Variants in CTTNBP2 observed in about 807,000 individuals in gnomAD.
The protein encoded by CTTNBP2 is cortactin binding protein 2.
CTTNBP2 carries 108 observed loss-of-function variants against 156.9 expected under a neutral mutation model. That is an observed-to-expected ratio of 0.69 (90% CI 0.59 to 0.81). CTTNBP2 has a LOEUF of 0.81. Ranked by LOEUF, CTTNBP2 falls within the 30% of genes least tolerant of loss-of-function variation. The pLI, the probability that CTTNBP2 is intolerant of heterozygous loss-of-function variation, is 0.00. For missense variants in CTTNBP2, 1,924 were observed against 2,035.4 expected (o/e 0.95, Z 1.05); for synonymous variants, 767 against 751.8 (o/e 1.02, Z -0.33).
chr7:117,806,738 T>A (rs1450151922), intron 3 of CTTNBP2, among the ~76,000 whole-genome samples: 2 of 136,822 alleles, frequency 1.5e-5, no homozygotes, highest in African/African-American at 5.6e-5. Flanking sequence ...CTTTCTTCTT[T>A]TTCTCATTTT....
At chr7:117,783,193 G>A (rs1798525116) in intron 5 of CTTNBP2, among the ~76,000 whole-genome samples, 1 of 152,024 alleles carries the variant, frequency 6.6e-6, no homozygotes, top group South Asian at 2.1e-4. Flanking sequence ...GTGTGTGTGT[G>A]CATGCGCATG....
rs1297817481 is a variant in CTTNBP2 at position 117,792,670 on chromosome 7, T to G, written c.526A>C (p.Lys176Gln). The G allele has an allele frequency of 6.2e-7, 1 of 1,614,068 alleles. No individual in the cohort carries two copies. ...TTGCCTGAGAGCTGCTTGCACTCTTTGACCAGCATCAGGACCACCTGCTTG... is the reference window on the plus strand; with the variant it reads ...TTGCCTGAGAGCTGCTTGCACTCTTGGACCAGCATCAGGACCACCTGCTTG... ...KNKQVVLMLV[K>Q]ECKQLSGKVI... Residue 176 changes from lysine to glutamine, a missense_variant, in exon 4 of 23, where the codon AAA (lysine) becomes CAA (glutamine). Lys to Gln is a moderately conservative substitution (Grantham distance 53). Transcript: ENST00000160373. This position sits in a 1 kb window ranked among gnomAD's most constrained non-coding sequence, Gnocchi z 4.2.
chr7:117,714,868 G>C (rs1044151831), intron 22 of CTTNBP2, among the ~76,000 whole-genome samples: 3 of 152,184 alleles, frequency 2.0e-5, no homozygotes, highest in South Asian at 4.1e-4. Flanking sequence ...CAAGCCTAGG[G>C]GGCAGCGGAG....
intron 9 of CTTNBP2, among the ~76,000 whole-genome samples, chr7:117,765,848 G>C (rs767843754): frequency 1.1e-4 from 16 of 152,150 alleles, no homozygotes; most frequent in Non-Finnish European, 1.5e-4. Context: ...AATCTCATTG[G>C]CTTATCTTTG....
chr7:117,841,938 C>A (rs1802300483), intron 2 of CTTNBP2, among the ~76,000 whole-genome samples: 1 of 152,092 alleles, frequency 6.6e-6, no homozygotes, highest in Non-Finnish European at 1.5e-5. Context: ...TTACTAGAAA[C>A]ACACTAGAAC....
intron 14 of CTTNBP2, among the ~76,000 whole-genome samples, chr7:117,739,676 C>A (rs1795891842): frequency 6.6e-6 from 1 of 152,194 alleles, no homozygotes; most frequent in Non-Finnish European, 1.5e-5. Context: ...GTGAGTGACT[C>A]CAAGTCTATT....
intron 22 of CTTNBP2, chr7:117,715,757 GATA>G (rs1241354823): frequency 6.6e-6 from 1 of 152,178 alleles, no homozygotes; most frequent in Admixed American, 6.5e-5. Flanking sequence ...TTTTCCAACA[GATA>G]ATGATGGTTG....
At chr7:117,776,840 C>T (rs1204115550) in intron 8 of CTTNBP2, among the ~76,000 whole-genome samples, 1 of 152,182 alleles carries the variant, frequency 6.6e-6, no homozygotes, top group Non-Finnish European at 1.5e-5. Flanking sequence ...TGCTCACTTG[C>T]CATTGAACTA....
In CTTNBP2 at chr7:117,719,535, C is replaced by T; in HGVS notation, c.4613G>A (p.Cys1538Tyr). The T allele has an allele frequency of 6.2e-7, 1 of 1,613,960 alleles. No homozygotes were observed. The highest frequency in any genetic ancestry group is 8.5e-7 in the Non-Finnish European group (1 of 1,179,928). Residue 1538 changes from cysteine (C) to tyrosine (Y), a missense_variant, in exon 21 of 23, where the codon TGC becomes TAC. Transcript: ENST00000160373. ...GATATCAGACTCAGACTTGCTGGAGCACATGCTCTGAAGTTCCTTGACAAG... is the reference window on the plus strand; with the variant it reads ...GATATCAGACTCAGACTTGCTGGAGTACATGCTCTGAAGTTCCTTGACAAG... ...ADLVKELQSM[C>Y]SSKSESDISK...
chr7:117,715,669 C>T (rs1181568091), intron 22 of CTTNBP2: 1 of 152,108 alleles, frequency 6.6e-6, no homozygotes, highest in Non-Finnish European at 1.5e-5. Flanking sequence ...GATTAGTAAA[C>T]CCAATTACTC....
At chr7:117,832,640 A>C (rs962050792) in intron 2 of CTTNBP2, among the ~76,000 whole-genome samples, 8 of 151,002 alleles carry the variant, frequency 5.3e-5, no homozygotes, top group Admixed American at 4.0e-4. Flanking sequence ...ACTATCTGAG[A>C]TATCACTGAC....
In CTTNBP2 at chr7:117,807,510, T is replaced by C. The variant is rs544747189; in HGVS notation, c.414+3255A>G. ...TTCCATTTCTTCGGTTGTCTAGCAC[T>C]GGAAACTCCTTCCTATGTTAGGAGA... On this transcript the variant is annotated intron_variant, in intron 3 of 22. Coordinates refer to ENST00000160373, the MANE Select transcript of CTTNBP2 (RefSeq NM_033427.3). Among the ~76,000 whole-genome samples, 12 of 152,328 alleles carry C rather than the reference T, an allele frequency of 7.9e-5. No homozygotes were observed. The South Asian group carries it at 2.5e-3, about 32-fold the overall frequency.
chr7:117,752,954 T>G lies in CTTNBP2; in HGVS notation c.3348+3601A>C, dbSNP rs183330313. On this transcript the variant is annotated intron_variant, in intron 12 of 22. Coordinates refer to ENST00000160373, the MANE Select transcript of CTTNBP2 (RefSeq NM_033427.3). ...AAAAGGTTAGCTATTCAAAAGCAAC[T>G]GTCATCAGAGTGAACAGACAACCTA... Among the ~76,000 whole-genome samples, 156 of 152,334 alleles carry G rather than the reference T, an allele frequency of 1.0e-3. 1 individual carries two copies. The Middle Eastern group carries it at 0.024, about 23-fold the overall frequency.
chr7:117,711,309 T>C lies in CTTNBP2; in HGVS notation c.*228A>G. 2.2e-6 allele frequency: 1 copy of C among 456,124 alleles called. No individual in the cohort carries two copies. The highest frequency in any genetic ancestry group is 3.1e-5 in the South Asian group (1 of 32,404). 28.3% of individuals were successfully genotyped at this position (456,124 alleles called of 1,614,324 possible). Reference sequence around the variant, plus strand: ...TCTATTATAAAACTACTTGAAAAGTTGGCATAACTTCCTGGTATTGAAGTT... The same window carrying C: ...TCTATTATAAAACTACTTGAAAAGTCGGCATAACTTCCTGGTATTGAAGTT... On this transcript the variant is annotated 3_prime_UTR_variant, in exon 23 of 23. Coordinates refer to ENST00000160373, the MANE Select transcript of CTTNBP2 (RefSeq NM_033427.3).
At chr7:117,742,047 A>G (rs1398274561) in intron 14 of CTTNBP2, among the ~76,000 whole-genome samples, 3 of 152,246 alleles carry the variant, frequency 2.0e-5, no homozygotes, top group Admixed American at 1.3e-4. Flanking sequence ...CTTGACATAC[A>G]GTTGGGTAGA....
chr7:117,717,175 G>C (rs1794447272), intron 22 of CTTNBP2, among the ~76,000 whole-genome samples: 1 of 152,168 alleles, frequency 6.6e-6, no homozygotes, highest in African/African-American at 2.4e-5. Context: ...TGATAATGGT[G>C]CAGTGCTGTA....
chr7:117,826,005 CA>C (rs1563046182), intron 2 of CTTNBP2, among the ~76,000 whole-genome samples: 1 of 152,162 alleles, frequency 6.6e-6, no homozygotes, highest in African/African-American at 2.4e-5. Context: ...AGGTATCTAG[CA>C]TGCTGGGTGA....
intron 2 of CTTNBP2, among the ~76,000 whole-genome samples, chr7:117,859,782 C>T (rs1207316509): frequency 6.6e-6 from 1 of 152,256 alleles, no homozygotes; most frequent in Non-Finnish European, 1.5e-5. Context: ...GCAACACCTT[C>T]AACTCAGTAT....
Position 117,873,366 on chromosome 7 carries a change from T to C in CTTNBP2, c.50A>G (p.Glu17Gly). 2 of 1,472,928 alleles carry C rather than the reference T, an allele frequency of 1.4e-6. No homozygotes were observed. The highest frequency in any genetic ancestry group is 1.8e-6 in the Non-Finnish European group (2 of 1,117,830). 91.2% of individuals were successfully genotyped at this position (1,472,928 alleles called of 1,614,324 possible). A position where few individuals can be genotyped will look rare whatever the true frequency, so the allele number is the denominator to read the frequency against. The change falls in exon 1 of 23, where the codon GAG (glutamate) becomes GGG (glycine). Residue 17 changes from glutamate to glycine, a missense_variant. Physicochemically the swap from Glu to Gly is moderately conservative, Grantham distance 98 (BLOSUM62 -2). Transcript: ENST00000160373. ...SCEPDLSRAP[E>G]DAAGAAAEAA... is the part of the protein sequence containing the mutation. ...CTCCGCCGCGGCCCCCGCCGCGTCC[T>C]CCGGGGCCCGGGACAAGTCGGGCTC...
Sources: gnomAD v4.1 joint callset for allele counts (sites outside exome capture counted in the v4.1 genomes callset) on GRCh38, gnomAD v4.1.1 for gene constraint, Gnocchi (gnomAD v3.1) non-coding constraint, MANE v1.5 for transcripts, NCBI Gene and HGNC (gene_info 2026-07-23, HGNC 2026-07-21) for gene names.